The following ALG13 variants were observed in gnomAD, a reference collection of about 807,000 sequenced individuals.
ALG13 encodes the protein UDP-N-acetylglucosamine transferase subunit ALG13.
ALG13 carries 11 observed loss-of-function variants against 87.8 expected under a neutral mutation model. That is an observed-to-expected ratio of 0.13 (90% CI 0.08 to 0.21). ALG13 has a LOEUF of 0.21. ALG13 is among the 10% of genes least tolerant of loss of function. ALG13 has a pLI of 1.00. For missense variants in ALG13, 756 were observed against 866.1 expected, an observed-to-expected ratio of 0.87 and a Z score of 1.60; for synonymous variants, 320 against 306.3, an observed-to-expected ratio of 1.04 and a Z score of -0.47.
At chrX:111,681,445 G>T in intron 1 of ALG13, 146 bp downstream of exon 1, 1 of 1,114,670 alleles carries the variant, frequency 9.0e-7, no homozygotes, top group South Asian at 2.2e-5. Flanking sequence ...CCCTTAGCTG[G>T]CTTCTGCCCA....
chrX:111,752,840 A>G lies in ALG13; in HGVS notation c.2973+10A>G, dbSNP rs1027238133. On this transcript the variant is annotated intron_variant, in intron 25 of 26. Coordinates refer to ENST00000394780, the MANE Select transcript of ALG13 (RefSeq NM_001099922.3). ...CAATCTAGGATTGCAGGTAAGTGCCATGTTAAAATTTCTTTGATAAGCCCT... is the reference window on the plus strand; with the variant it reads ...CAATCTAGGATTGCAGGTAAGTGCCGTGTTAAAATTTCTTTGATAAGCCCT... The G allele has an allele frequency of 1.1e-5, 13 of 1,179,926 alleles. No homozygotes were observed. The African/African-American group carries it at 1.6e-4, about 14-fold the overall frequency.
At chrX:111,750,792 CAAGTA>C (rs1264423597) in intron 24 of ALG13, among the ~76,000 whole-genome samples, 1 of 109,887 alleles carries the variant, frequency 9.1e-6, no homozygotes, top group Non-Finnish European at 1.9e-5. Context: ...CTCAGCCTCC[CAAGTA>C]GCTGGCATTA....
chrX:111,688,620 C>T (rs1367193401), intron 3 of ALG13: 1 of 748,004 alleles, frequency 1.3e-6, no homozygotes. Context: ...AATGTCAAAA[C>T]TTTACTGGTT....
intron 5 of ALG13, among the ~76,000 whole-genome samples, chrX:111,710,466 C>G (rs903301427): frequency 1.2e-4 from 13 of 111,446 alleles, no homozygotes; most frequent in Non-Finnish European, 2.4e-4. Context: ...GTGATAGAAA[C>G]CAGACCCCAT....
At position 111,682,096 on chromosome X, in the gene ALG13, T is replaced by C. The variant is rs781170536; in HGVS notation, c.82-36T>C. On this transcript the variant is annotated intron_variant, in intron 1 of 26. Coordinates refer to ENST00000394780, the MANE Select transcript of ALG13 (RefSeq NM_001099922.3). Reference sequence around the variant, plus strand: ...TTCCTGCTCTGTTTTACATAGCCAGTTTAAAAGGCCCTCACATTCTGATTT... The same window carrying C: ...TTCCTGCTCTGTTTTACATAGCCAGCTTAAAAGGCCCTCACATTCTGATTT... 14 of 1,134,473 alleles carry C rather than the reference T, an allele frequency of 1.2e-5. No individual in the cohort carries two copies. In the African/African-American group the frequency reaches 1.8e-4, roughly 15 times the overall value. The allele number at this position is 1,134,473 out of a possible 1,213,427, so 93.5% of individuals were successfully genotyped here. A position where few individuals can be genotyped will look rare whatever the true frequency, so the allele number is the denominator to read the frequency against.
chrX:111,682,251 G>A lies in ALG13; in HGVS notation c.201G>A (p.Leu67=). The change falls in exon 2 of 27, where the codon TTG becomes TTA. Residue 67 remains leucine, a synonymous_variant. Coordinates refer to ENST00000394780, the MANE Select transcript of ALG13 (RefSeq NM_001099922.3). ...TLDVYRYKDS[L]KEDIQKADLV... is the part of the protein sequence containing the mutation. The stretch of plus-strand genomic sequence containing the variant: ...ATGTTTACAGGTACAAGGATTCCTT[G>A]AAAGAAGACATTCAGAAAGCAGATC... 1 of 1,195,419 alleles carries A rather than the reference G, an allele frequency of 8.4e-7. No homozygotes were observed. The highest frequency in any genetic ancestry group is 1.1e-6 in the Non-Finnish European group (1 of 886,777).
intron 26 of ALG13, among the ~76,000 whole-genome samples, chrX:111,758,838 G>A (rs746444282): frequency 1.2e-3 from 131 of 111,696 alleles, no homozygotes; most frequent in Non-Finnish European, 2.0e-3. Context: ...GGTGGTTCAC[G>A]CCTATAATCC....
intron 23 of ALG13, among the ~76,000 whole-genome samples, chrX:111,743,345 A>C (rs1167071287): frequency 8.9e-6 from 1 of 112,230 alleles, no homozygotes; most frequent in East Asian, 2.8e-4. Flanking sequence ...TTCCCCTCCC[A>C]AAACTGTAAA....
In ALG13 at chrX:111,728,260, A is replaced by C; in HGVS notation, c.2323A>C (p.Lys775Gln). The C allele has an allele frequency of 1.7e-6, 2 of 1,211,784 alleles. No homozygotes were observed. The highest frequency in any genetic ancestry group is 1.1e-6 in the Non-Finnish European group (1 of 895,402). The change falls in exon 19 of 27, where the codon AAA becomes CAA. Residue 775 changes from lysine to glutamine, a missense_variant. This residue lies in a region of ALG13 where 362 missense variants were observed against 383.5 expected (regional missense o/e 0.94). Coordinates refer to ENST00000394780, the MANE Select transcript of ALG13 (RefSeq NM_001099922.3). ...TGGAAGGCGGGGACATAGCTCAGGC[A>C]AACAGACTTTGAATTTAGAGGAGGG... ...CVGRRGHSSG[K>Q]QTLNLEEGNG...
chrX:111,731,972 A>G (rs1312091165), intron 21 of ALG13, among the ~76,000 whole-genome samples: 1 of 111,665 alleles, frequency 9.0e-6, no homozygotes, highest in African/African-American at 3.3e-5. Flanking sequence ...GGTTTTAACC[A>G]AAGAGTTCAT....
chrX:111,688,198 C>G (rs1000314512), intron 3 of ALG13: 85 of 804,519 alleles, frequency 1.1e-4, no homozygotes, highest in Non-Finnish European at 1.2e-4. Context: ...AGTGAAATTA[C>G]TAGATTTTTT....
At chrX:111,695,362 A>G (rs1936820871) in intron 3 of ALG13, among the ~76,000 whole-genome samples, 1 of 110,845 alleles carries the variant, frequency 9.0e-6, no homozygotes, top group Non-Finnish European at 1.9e-5. Context: ...CGTCTCTACT[A>G]AAAATACAAA....
intron 3 of ALG13, among the ~76,000 whole-genome samples, chrX:111,698,460 T>C (rs1440255045): frequency 9.0e-6 from 1 of 111,450 alleles, no homozygotes; most frequent in Non-Finnish European, 1.9e-5. Flanking sequence ...CCAGAACTTA[T>C]GTCCTCTGTC....
At chrX:111,708,000 G>A (rs1341740634) in intron 3 of ALG13, 27 bp from the exon 4 acceptor site, 2 of 1,181,916 alleles carry the variant, frequency 1.7e-6, no homozygotes, top group African/African-American at 3.5e-5. Context: ...TTCCTAGGAG[G>A]ATTGGCTCTT....
intron 25 of ALG13, chrX:111,757,337 C>T (rs901860179): frequency 1.4e-5 from 4 of 288,108 alleles, no homozygotes; most frequent in Non-Finnish European, 2.4e-5. Context: ...CCTTTGTATA[C>T]AGGTCTTTTA....
In ALG13 at chrX:111,685,118, G is replaced by A. The variant is rs761772464; in HGVS notation, c.383+15G>A. ...TGTACCTGCAGGTATGCTAGAGACT[G>A]ATTATTATTATCTCTTGCCTTAATT... On this transcript the variant is annotated intron_variant, in intron 3 of 26. Coordinates refer to ENST00000394780, the MANE Select transcript of ALG13 (RefSeq NM_001099922.3). The A allele has an allele frequency of 1.7e-6, 2 of 1,196,738 alleles. No individual in the cohort carries two copies. Among genetic ancestry groups the A allele is most frequent in the Admixed American group, 2.3e-5 (1 of 43,334 alleles).
chrX:111,723,550 A>G (rs2148175641), intron 13 of ALG13, among the ~76,000 whole-genome samples: 1 of 111,406 alleles, frequency 9.0e-6, no homozygotes, highest in Non-Finnish European at 1.9e-5. Flanking sequence ...GATTACAGGC[A>G]TGAGCCACCA....
In ALG13 at chrX:111,686,164, C is replaced by T. The variant is rs183481613; in HGVS notation, c.383+1061C>T. 3.6e-6 allele frequency: 4 copies of T among 1,116,572 alleles called. No homozygotes were observed. In the African/African-American group the frequency reaches 7.4e-5, roughly 21 times the overall value. 92.0% of individuals were successfully genotyped at this position (1,116,572 alleles called of 1,213,427 possible). Reference sequence around the variant, plus strand: ...CTTCCTTGAGACACTAGAAGCTTGCCAAAGGGCCAGGTCAGTAATTCCCAC... The same window carrying T: ...CTTCCTTGAGACACTAGAAGCTTGCTAAAGGGCCAGGTCAGTAATTCCCAC... On this transcript the variant is annotated intron_variant, in intron 3 of 26. Coordinates refer to ENST00000394780, the MANE Select transcript of ALG13 (RefSeq NM_001099922.3).
At chrX:111,753,148 A>C (rs1011612550) in intron 25 of ALG13, 1 of 159,572 alleles carries the variant, frequency 6.3e-6, no homozygotes, top group Non-Finnish European at 1.2e-5. Context: ...TCTCAAAATA[A>C]ATGAATTATC....
Sources: allele counts gnomAD v4.1 joint callset (sites outside exome capture counted in the v4.1 genomes callset), GRCh38; gene constraint gnomAD v4.1.1; regional missense constraint gnomAD v4.1.1; transcripts MANE v1.5; gene names NCBI Gene and HGNC (gene_info 2026-07-23, HGNC 2026-07-21).